PRUNE2: variants seen among roughly 807,000 people sequenced by gnomAD.
The protein encoded by PRUNE2 is prune homolog 2 with BCH domain, also known as protein prune homolog 2.
PRUNE2 carries 164 observed loss-of-function variants against 252.0 expected under a neutral mutation model. That is an observed-to-expected ratio of 0.65 (90% CI 0.57 to 0.74). PRUNE2 has a LOEUF of 0.74. PRUNE2 is among the 30% of genes least tolerant of loss of function. The pLI, the probability that PRUNE2 is intolerant of heterozygous loss-of-function variation, is 0.00. For missense variants in PRUNE2, 3,495 were observed against 3,711.0 expected (o/e 0.94, Z 1.51); for synonymous variants, 1,292 against 1,350.2 (o/e 0.96, Z 0.94).
At chr9:76,618,736 C>T (rs970045756) in intron 18 of PRUNE2, among the ~76,000 whole-genome samples, 1 of 152,206 alleles carries the variant, frequency 6.6e-6, no homozygotes, top group African/African-American at 2.4e-5. Flanking sequence ...ATCGTCTCTC[C>T]ATGCCTCTCT....
intron 6 of PRUNE2, chr9:76,759,436 C>T (rs974760521): frequency 2.0e-5 from 3 of 152,440 alleles, no homozygotes; most frequent in African/African-American, 7.2e-5. Context: ...ACACAGACCC[C>T]AAACCCCAGG....
intron 1 of PRUNE2, among the ~76,000 whole-genome samples, chr9:76,870,734 G>T (rs920004218): frequency 8.6e-5 from 13 of 151,802 alleles, no homozygotes; most frequent in Admixed American, 7.9e-4. Context: ...AGATGTGGTG[G>T]TAGGGGATGT....
intron 6 of PRUNE2, among the ~76,000 whole-genome samples, chr9:76,790,323 A>G (rs1437151623): frequency 6.6e-6 from 1 of 152,242 alleles, no homozygotes; most frequent in Non-Finnish European, 1.5e-5. Context: ...TAGATTATTT[A>G]GTGATATGTC....
Position 76,898,270 on chromosome 9 carries a change from G to A in PRUNE2, c.36+7658C>T, listed in dbSNP as rs930014115. Among the ~76,000 whole-genome samples the A allele has an allele frequency of 2.6e-5, 4 of 152,148 alleles. No homozygotes were observed. In the South Asian group the frequency reaches 8.3e-4, roughly 32 times the overall value. On this transcript the variant is annotated intron_variant, in intron 1 of 18. Coordinates refer to ENST00000376718, the MANE Select transcript of PRUNE2 (RefSeq NM_015225.3). ...GAAAATCTCCCAGGATCTGATTTAG[G>A]GCAGGCAGCCTCTGCCAGGGACTGC...
At chr9:76,678,294 T>C (rs1305945268) in intron 9 of PRUNE2, among the ~76,000 whole-genome samples, 1 of 121,044 alleles carries the variant, frequency 8.3e-6, no homozygotes, top group Non-Finnish European at 1.6e-5. Context: ...GAGGTTGCAG[T>C]GAGCCGAGAT....
intron 1 of PRUNE2, among the ~76,000 whole-genome samples, chr9:76,865,512 T>A (rs1296110505): frequency 6.6e-6 from 1 of 152,188 alleles, no homozygotes; most frequent in Non-Finnish European, 1.5e-5. Context: ...CCAACTGAGA[T>A]CCTCAGGCCT....
intron 4 of PRUNE2, among the ~76,000 whole-genome samples, chr9:76,834,940 CTAACTTACAGCAAATT>C (rs2058872717): frequency 6.6e-6 from 1 of 152,174 alleles, no homozygotes. Context: ...AAGCACTGAC[CTAACTTACAGCAAATT>C]TTGCAGAATG....
At chr9:76,808,451 TC>T (rs1484927398) in intron 6 of PRUNE2, 1 of 152,216 alleles carries the variant, frequency 6.6e-6, no homozygotes, top group African/African-American at 2.4e-5. Context: ...CCAATCTGAG[TC>T]CGGTTGTGCC....
At chr9:76,814,122 T>C (rs542058287) in intron 6 of PRUNE2, among the ~76,000 whole-genome samples, 2 of 152,320 alleles carry the variant, frequency 1.3e-5, no homozygotes, top group East Asian at 3.9e-4. Flanking sequence ...CCATGTATCA[T>C]ATATATCCTT....
At position 76,705,603 on chromosome 9, in the gene PRUNE2, C is replaced by T; in HGVS notation, c.6671G>A (p.Arg2224Lys). The change falls in exon 8 of 19, where the codon AGA becomes AAA. Residue 2224 changes from arginine (R) to lysine (K), a missense_variant. Physicochemically the swap from Arg to Lys is conservative, Grantham distance 26. Transcript: ENST00000376718. ...MAPILEPVDRRIPRIENVATS... is the reference protein window; with the variant it reads ...MAPILEPVDRKIPRIENVATS... ...TGCCACATTTTCAATCCTTGGGATT[C>T]TTCTGTCAACTGGTTCCAAAATTGG... The T allele has an allele frequency of 6.2e-7, 1 of 1,614,020 alleles. No individual in the cohort carries two copies. The highest frequency in any genetic ancestry group is 8.5e-7 in the Non-Finnish European group (1 of 1,179,886).
At position 76,629,418 on chromosome 9, in the gene PRUNE2, A is replaced by G. The variant is rs184960584; in HGVS notation, c.9051-128T>C. 37 of 541,644 alleles carry G rather than the reference A, an allele frequency of 6.8e-5. 1 individual carries two copies. In the Admixed American group the frequency reaches 1.1e-3, roughly 16 times the overall value. 33.6% of individuals were successfully genotyped at this position (541,644 alleles called of 1,614,324 possible). A position where few individuals can be genotyped will look rare whatever the true frequency, so the allele number is the denominator to read the frequency against. On this transcript the variant is annotated intron_variant, in intron 15 of 18. Transcript: ENST00000376718. ...ACAGCACTCTTACTAAGAGGCTAAC[A>G]TTATTTGACGAGTTACAATGTGCCA...
intron 6 of PRUNE2, among the ~76,000 whole-genome samples, chr9:76,727,376 C>G (rs1461127523): frequency 6.6e-6 from 1 of 152,186 alleles, no homozygotes; most frequent in African/African-American, 2.4e-5. Flanking sequence ...AAAAGTAAAT[C>G]AGGGATGGGG....
At chr9:76,865,081 G>T (rs2060760343) in intron 1 of PRUNE2, among the ~76,000 whole-genome samples, 1 of 152,212 alleles carries the variant, frequency 6.6e-6, no homozygotes, top group African/African-American at 2.4e-5. Context: ...GAGGCCTCAG[G>T]ATTCACCCAG....
In PRUNE2 at chr9:76,655,459, C is replaced by A; in HGVS notation, c.8320G>T (p.Gly2774Cys). ...TCTGCAGCACTGGGACTCAGCACGC[C>A]CTCTTCAAAGGGGATGTCCATTCCT... ...DVGMDIPFEE[G>C]VLSPSAADMR... Residue 2774 changes from glycine to cysteine, a missense_variant, in exon 10 of 19, where the codon GGC (glycine) becomes TGC (cysteine). Gly to Cys is a radical substitution (Grantham distance 159, BLOSUM62 -3). Coordinates refer to ENST00000376718, the MANE Select transcript of PRUNE2 (RefSeq NM_015225.3). 2 of 1,612,842 alleles carry A rather than the reference C, an allele frequency of 1.2e-6. No homozygotes were observed. Among genetic ancestry groups the A allele is most frequent in the Non-Finnish European group, 1.7e-6 (2 of 1,179,514 alleles).
intron 6 of PRUNE2, chr9:76,778,494 C>A (rs2054037077): frequency 1.3e-5 from 2 of 152,174 alleles, no homozygotes; most frequent in Admixed American, 6.5e-5. Flanking sequence ...TGGCCAGAGA[C>A]ACAGGAGATC....
intron 1 of PRUNE2, among the ~76,000 whole-genome samples, chr9:76,897,785 C>T (rs771339351): frequency 3.3e-5 from 5 of 152,158 alleles, no homozygotes; most frequent in Non-Finnish European, 5.9e-5. Context: ...ACCTACCTTA[C>T]AAGACCATTG....
At chr9:76,794,168 T>G (rs142245387) in intron 6 of PRUNE2, among the ~76,000 whole-genome samples, 24 of 152,244 alleles carry the variant, frequency 1.6e-4, no homozygotes, top group African/African-American at 5.1e-4. Context: ...TCCTATGAAC[T>G]AGGTTTTTAA....
intron 6 of PRUNE2, among the ~76,000 whole-genome samples, chr9:76,744,612 G>A (rs1422787279): frequency 6.6e-6 from 1 of 152,140 alleles, no homozygotes; most frequent in Non-Finnish European, 1.5e-5. Context: ...AGTTTACAAA[G>A]GCATACCCTT....
intron 2 of PRUNE2, among the ~76,000 whole-genome samples, chr9:76,852,604 G>C (rs2060021478): frequency 6.6e-6 from 1 of 152,238 alleles, no homozygotes; most frequent in South Asian, 2.1e-4. Context: ...AGAGGGAGTA[G>C]TTGGGTTTTG....
Sources: gnomAD v4.1 joint callset for allele counts (sites outside exome capture counted in the v4.1 genomes callset) on GRCh38, gnomAD v4.1.1 for gene constraint, MANE v1.5 for transcripts, NCBI Gene and HGNC (gene_info 2026-07-23, HGNC 2026-07-21) for gene names.